Variants in PLEKHG4B observed in about 807,000 individuals in gnomAD.
PLEKHG4B encodes pleckstrin homology and RhoGEF domain containing G4B, also known as pleckstrin homology domain-containing family G member 4B.
Under a neutral mutation model 121.3 loss-of-function variants are expected in PLEKHG4B, and 111 were observed. The ratio of observed to expected loss-of-function variants is 0.92; its 90% CI spans 0.78 to 1.07. PLEKHG4B has a LOEUF of 1.07. PLEKHG4B is among the 50% of genes least tolerant of loss of function. The probability of loss-of-function intolerance (pLI) is 0.00; values close to 1 mark genes in which losing one functional copy is unlikely to be tolerated. For missense variants in PLEKHG4B, 1,831 were observed against 1,757.8 expected (o/e 1.04, Z -0.74); for synonymous variants, 738 against 725.0 (o/e 1.02, Z -0.29).
At chr5:161,295 T>A (rs1179643712) in intron 11 of PLEKHG4B, among the ~76,000 whole-genome samples, 1 of 152,264 alleles carries the variant, frequency 6.6e-6, no homozygotes, top group African/African-American at 2.4e-5. Flanking sequence ...ATTTCTGGAA[T>A]ATGCTTACCA....
chr5:155,500 A>G, intron 9 of PLEKHG4B, 57 bp downstream of exon 9: 1 of 1,330,810 alleles, frequency 7.5e-7, no homozygotes, highest in Admixed American at 1.7e-5. Flanking sequence ...GTGGGGGCAT[A>G]AAGGTTAGCC....
intron 1 of PLEKHG4B, among the ~76,000 whole-genome samples, chr5:110,478 C>G (rs761655748): frequency 6.8e-6 from 1 of 147,284 alleles, no homozygotes; most frequent in Non-Finnish European, 1.5e-5. Context: ...TCCACACAAT[C>G]TGCAACACGT....
chr5:144,872 C>G lies in PLEKHG4B; in HGVS notation c.1857C>G (p.Arg619=). 3 of 1,613,398 alleles carry G rather than the reference C, an allele frequency of 1.9e-6. No homozygotes were observed. In the African/African-American group the frequency reaches 4.0e-5, roughly 21 times the overall value. The change falls in exon 6 of 20, where the codon CGC becomes CGG. Residue 619 remains arginine, a synonymous_variant. Transcript: ENST00000637938. Reference sequence around the variant, plus strand: ...GGCTGGTTGTCCTGGTGGATGCACGCAGGAGTCCAGCTGCCCCTGCCGTCT... The same window carrying G: ...GGCTGGTTGTCCTGGTGGATGCACGGAGGAGTCCAGCTGCCCCTGCCGTCT... ...DLGLVVLVDA[R]RSPAAPAVSQ...
chr5:163,000 G>A lies in PLEKHG4B; in HGVS notation c.2928G>A (p.Lys976=). ...CGCCCCTTGCCCAGAGCCCCCCAAA[G>A]CATGAGCGTGCCCAGGAGGCCATGA... ...SLPPLAQSPP[K]HERAQEAMRR... The change falls in exon 13 of 20, where the codon AAG becomes AAA. Residue 976 remains lysine, a synonymous_variant. Transcript: ENST00000637938. The A allele has an allele frequency of 6.4e-7, 1 of 1,565,944 alleles. No homozygotes were observed. The highest frequency in any genetic ancestry group is 8.7e-7 in the Non-Finnish European group (1 of 1,155,324).
rs1258435563 is a variant in PLEKHG4B, at chr5:189,784, C to T, written c.*7461C>T. The T allele has an allele frequency of 5.9e-5, 9 of 152,064 alleles. No homozygotes were observed. Among genetic ancestry groups the T allele is most frequent in the Non-Finnish European group, 1.2e-4 (8 of 68,020 alleles). 9.4% of individuals were successfully genotyped at this position (152,064 alleles called of 1,614,324 possible). ...TCCACCCTCCGAGACCCAGGGGCCC[C>T]GCAGTGACAGCAGGGTGTTGGGCCA... On this transcript the variant is annotated 3_prime_UTR_variant, in exon 20 of 20. Transcript: ENST00000637938.
intron 2 of PLEKHG4B, among the ~76,000 whole-genome samples, chr5:132,810 T>G (rs1414738565): frequency 6.6e-6 from 1 of 152,226 alleles, no homozygotes; most frequent in Non-Finnish European, 1.5e-5. Context: ...ATAGTATAGT[T>G]TGAAGTCGGG....
intron 1 of PLEKHG4B, among the ~76,000 whole-genome samples, chr5:98,425 CTTTTTTTTTTTTTTT>C (rs55733931): frequency 6.4e-5 from 3 of 46,828 alleles, no homozygotes; most frequent in African/African-American, 2.7e-4. Flanking sequence ...TTTACTGTAG[CTTTTTTTTTTTTTTT>C]TTTTTTTTTT....
chr5:141,324 C>T (rs1735193642), intron 3 of PLEKHG4B, among the ~76,000 whole-genome samples: 1 of 138,042 alleles, frequency 7.2e-6, no homozygotes, highest in South Asian at 2.6e-4. Flanking sequence ...TTGGCGCTCA[C>T]GTTCTGGAGA....
intron 1 of PLEKHG4B, among the ~76,000 whole-genome samples, chr5:102,736 T>C (rs2126338618): frequency 6.6e-6 from 1 of 152,356 alleles, no homozygotes; most frequent in Admixed American, 6.5e-5. Context: ...TATCTCTTTA[T>C]AGCAGTGTGA....
At chr5:169,667 G>A in intron 14 of PLEKHG4B, 75 bp downstream of exon 14, 2 of 1,573,734 alleles carry the variant, frequency 1.3e-6, no homozygotes, top group Non-Finnish European at 1.7e-6. Flanking sequence ...GGGCCTACAG[G>A]GCCCACGTGT....
rs528247197 is a variant in PLEKHG4B at position 106,949 on chromosome 5, A to G, written c.46-6302A>G. ...GTCTAGGTACTGTATGTGTGCCCAC[A>G]TGTGGAGACTCATATGCAGGATGCA... is the stretch of plus-strand genomic sequence containing the variant. On this transcript the variant is annotated intron_variant, in intron 1 of 19. Coordinates refer to ENST00000637938, the MANE Select transcript of PLEKHG4B (RefSeq NM_052909.5). Among the ~76,000 whole-genome samples the G allele has an allele frequency of 1.7e-4, 26 of 152,358 alleles. 2 individuals are homozygous for G. In the South Asian group the frequency reaches 3.9e-3, roughly 23 times the overall value.
intron 13 of PLEKHG4B, 182 bp from the exon 14 acceptor site, chr5:169,158 G>A: frequency 1.4e-6 from 1 of 736,674 alleles, no homozygotes; most frequent in Non-Finnish European, 2.2e-6. Flanking sequence ...ACAGGCACGA[G>A]CCCCCACGCC....
intron 6 of PLEKHG4B, among the ~76,000 whole-genome samples, chr5:148,432 T>C (rs758337768): frequency 6.6e-6 from 1 of 151,820 alleles, no homozygotes; most frequent in Non-Finnish European, 1.5e-5. Context: ...CACTTCTCTA[T>C]GCTAACAGTG....
At chr5:181,132 C>T (rs754666880) in intron 18 of PLEKHG4B, among the ~76,000 whole-genome samples, 1 of 152,184 alleles carries the variant, frequency 6.6e-6, no homozygotes, top group African/African-American at 2.4e-5. Context: ...CTCCTAGAAA[C>T]CTGTTGTTTT....
rs909959366 is a variant in PLEKHG4B at position 161,712 on chromosome 5, C to T, written c.2488-71C>T. 4 of 1,605,792 alleles carry T rather than the reference C, an allele frequency of 2.5e-6. No homozygotes were observed. In the African/African-American group the frequency reaches 4.0e-5, roughly 16 times the overall value. ...CTTGGTGCCAGTGGCTACACGCAGACCCAGCCCACACCTGGAGACATGAAC... is the reference window on the plus strand; with the variant it reads ...CTTGGTGCCAGTGGCTACACGCAGATCCAGCCCACACCTGGAGACATGAAC... On this transcript the variant is annotated intron_variant, in intron 11 of 19. Coordinates refer to ENST00000637938, the MANE Select transcript of PLEKHG4B (RefSeq NM_052909.5).
rs373800606 is a variant in PLEKHG4B at position 178,876 on chromosome 5, G to A, written c.4403-2638G>A. ...GTAGTTGCATAGAACCTACACACAT[G>A]CTCCTATATACTTTAAATCATCTGT... On this transcript the variant is annotated intron_variant, in intron 18 of 19. Transcript: ENST00000637938. 3.9e-4 allele frequency among the ~76,000 whole-genome samples: 59 copies of A among 152,270 alleles called. 1 individual carries two copies. Among genetic ancestry groups the A allele is most frequent in the African/African-American group, 1.3e-3 (54 of 41,542 alleles).
At chr5:150,866 A>G (rs1404514396) in intron 6 of PLEKHG4B, among the ~76,000 whole-genome samples, 1 of 152,270 alleles carries the variant, frequency 6.6e-6, no homozygotes, top group African/African-American at 2.4e-5. Flanking sequence ...ATCCAAGAGA[A>G]ATGAAAACTT....
intron 1 of PLEKHG4B, among the ~76,000 whole-genome samples, chr5:107,424 C>G (rs975258797): frequency 6.6e-6 from 1 of 152,220 alleles, no homozygotes; most frequent in African/African-American, 2.4e-5. Context: ...CTCCAGCAAG[C>G]CTGGACAGCC....
At chr5:98,761 C>T (rs1733704655) in intron 1 of PLEKHG4B, among the ~76,000 whole-genome samples, 2 of 148,732 alleles carry the variant, frequency 1.3e-5, no homozygotes. Flanking sequence ...GCGTGAGCCA[C>T]CCCGCCCGGC....
Sources: allele counts gnomAD v4.1 joint callset (sites outside exome capture counted in the v4.1 genomes callset), GRCh38; gene constraint gnomAD v4.1.1; transcripts MANE v1.5; gene names NCBI Gene and HGNC (gene_info 2026-07-23, HGNC 2026-07-21).